RPGRIP1L: variants seen among roughly 807,000 people sequenced by gnomAD.
RPGRIP1L encodes RPGRIP1 like, also known as protein fantom.
Under a neutral mutation model 160.4 loss-of-function variants are expected in RPGRIP1L, and 131 were observed. That is an observed-to-expected ratio of 0.82 (90% CI 0.71 to 0.94). The LOEUF is 0.94. Ranked by LOEUF, RPGRIP1L falls within the 40% of genes least tolerant of loss-of-function variation. The pLI is 0.00. For missense variants in RPGRIP1L, 1,522 were observed against 1,535.8 expected (o/e 0.99, Z 0.15); for synonymous variants, 510 against 515.8 (o/e 0.99, Z 0.15).
rs954156935 is a variant in RPGRIP1L, at chr16:53,700,557, TGTATGA to T, written c.85+76_85+81del. ...ATATAGTTACTTAAATGGTTTGGTT[TGTATGA>T]GTATAAGAAATACTTTAAATTAAAA... On this transcript the variant is annotated intron_variant, in intron 2 of 26. Transcript: ENST00000647211. 49 of 1,089,246 alleles carry T rather than the reference TGTATGA, an allele frequency of 4.5e-5. 1 individual carries two copies. Among genetic ancestry groups the T allele is most frequent in the Middle Eastern group, 3.9e-4 (2 of 5,106 alleles). The allele number at this position is 1,089,246 out of a possible 1,614,324, so 67.5% of individuals were successfully genotyped here.
intron 19 of RPGRIP1L, 146 bp from the exon 20 acceptor site, chr16:53,638,557 T>G (rs1965991354): frequency 4.4e-6 from 2 of 457,386 alleles, no homozygotes; most frequent in Admixed American, 7.6e-5. Context: ...CTTAGTATAT[T>G]TCAATAAAAT....
In RPGRIP1L at chr16:53,638,524, T is replaced by A. The variant is rs1471656756; in HGVS notation, c.2959-113A>T. 4.8e-6 allele frequency: 3 copies of A among 621,594 alleles called. No individual in the cohort carries two copies. The African/African-American group carries it at 5.6e-5, about 12-fold the overall frequency. The allele number at this position is 621,594 out of a possible 1,614,324, so 38.5% of individuals were successfully genotyped here. A position where few individuals can be genotyped will look rare whatever the true frequency, so the allele number is the denominator to read the frequency against. On this transcript the variant is annotated intron_variant, in intron 19 of 26. Transcript: ENST00000647211. ...TAAAAATTGGCAGCAAATGTAACAG[T>A]TACTCATATGACACTGAATTTACTT...
In RPGRIP1L at chr16:53,665,153, A is replaced by T. The variant is rs954085216; in HGVS notation, c.1104-144T>A. 1.1e-5 allele frequency: 11 copies of T among 1,040,698 alleles called. No individual in the cohort carries two copies. The Admixed American group carries it at 1.1e-4, about 10-fold the overall frequency. 64.5% of individuals were successfully genotyped at this position (1,040,698 alleles called of 1,614,324 possible). On this transcript the variant is annotated intron_variant, in intron 9 of 26. Coordinates refer to ENST00000647211, the MANE Select transcript of RPGRIP1L (RefSeq NM_015272.5). ...AACATATGCTGGTCTGCTGCTGTTGAAACCAAGGCGCCTTTCTCAGGCTGC... is the reference window on the plus strand; with the variant it reads ...AACATATGCTGGTCTGCTGCTGTTGTAACCAAGGCGCCTTTCTCAGGCTGC...
At position 53,673,410 on chromosome 16, in the gene RPGRIP1L, C is replaced by T. The variant is rs144748903; in HGVS notation, c.883-394G>A. On this transcript the variant is annotated intron_variant, in intron 7 of 26. Transcript: ENST00000647211. ...GTCAAAAATGCTGACCACAGATATT[C>T]GAACTGAAGGGATTCGCTGCCACAT... is the stretch of plus-strand genomic sequence containing the variant. 4.3e-4 allele frequency among the ~76,000 whole-genome samples: 65 copies of T among 152,224 alleles called. No individual in the cohort carries two copies. In the East Asian group the frequency reaches 0.012, roughly 28 times the overall value.
intron 6 of RPGRIP1L, 108 bp from the exon 7 acceptor site, chr16:53,675,230 T>G: frequency 1.4e-6 from 1 of 715,352 alleles, no homozygotes; most frequent in South Asian, 1.5e-5. Context: ...TAGAAAATAT[T>G]TATATACTTG....
rs768434507 is a variant in RPGRIP1L, at chr16:53,658,405, G to A, written c.1401+9C>T. ...GACATGAAAATCACGATGAAGTTCAGAACCTTACCTTTATAAGTAGGAGAG... is the reference window on the plus strand; with the variant it reads ...GACATGAAAATCACGATGAAGTTCAAAACCTTACCTTTATAAGTAGGAGAG... On this transcript the variant is annotated intron_variant, in intron 12 of 26. Coordinates refer to ENST00000647211, the MANE Select transcript of RPGRIP1L (RefSeq NM_015272.5). 4.4e-6 allele frequency: 7 copies of A among 1,603,646 alleles called. No individual in the cohort carries two copies. Among genetic ancestry groups the A allele is most frequent in the Non-Finnish European group, 6.0e-6 (7 of 1,170,686 alleles).
At chr16:53,665,117 G>T in intron 9 of RPGRIP1L, 108 bp from the exon 10 acceptor site, 1 of 1,353,482 alleles carries the variant, frequency 7.4e-7, no homozygotes. Context: ...TCATGTCTTA[G>T]GAATTAAGTA....
At chr16:53,701,787 G>A (rs1356549454) in intron 1 of RPGRIP1L, 1 of 151,904 alleles carries the variant, frequency 6.6e-6, no homozygotes, top group African/African-American at 2.4e-5. Flanking sequence ...TGGGGTTTCA[G>A]GGTCTGTGAA....
Position 53,703,853 on chromosome 16 carries a change from G to A in RPGRIP1L, c.-58C>T. 2.0e-6 allele frequency: 1 copy of A among 498,056 alleles called. No individual in the cohort carries two copies. The highest frequency in any genetic ancestry group is 3.7e-5 in the East Asian group (1 of 27,194). The allele number at this position is 498,056 out of a possible 1,614,324, so 30.9% of individuals were successfully genotyped here. On this transcript the variant is annotated 5_prime_UTR_variant, in exon 1 of 27. Coordinates refer to ENST00000647211, the MANE Select transcript of RPGRIP1L (RefSeq NM_015272.5). ...ACCGTTGCTATAGCGCCGACAGCGTGGCGGGCGGCTGGCCGAGAGGAGCAC... is the reference window on the plus strand; with the variant it reads ...ACCGTTGCTATAGCGCCGACAGCGTAGCGGGCGGCTGGCCGAGAGGAGCAC...
chr16:53,609,829 T>C (rs1159692422), intron 25 of RPGRIP1L, among the ~76,000 whole-genome samples: 1 of 152,124 alleles, frequency 6.6e-6, no homozygotes, highest in African/African-American at 2.4e-5. Flanking sequence ...CTCAGAAAGC[T>C]AGTGAAAGAA....
chr16:53,636,569 C>A, intron 21 of RPGRIP1L, 57 bp from the exon 22 acceptor site: 1 of 1,185,776 alleles, frequency 8.4e-7, no homozygotes, highest in Non-Finnish European at 1.3e-6. Context: ...CTACTTATAC[C>A]CTGTAAAATA....
At chr16:53,695,072 C>A in intron 3 of RPGRIP1L, 1 of 437,872 alleles carries the variant, frequency 2.3e-6, no homozygotes, top group South Asian at 5.1e-5. Context: ...AACTACATGG[C>A]TCATTATTCA....
intron 26 of RPGRIP1L, among the ~76,000 whole-genome samples, chr16:53,602,620 A>G (rs1963437915): frequency 6.6e-6 from 1 of 152,098 alleles, no homozygotes; most frequent in Admixed American, 6.5e-5. Flanking sequence ...TACTAAAAAT[A>G]CAAAATTAGC....
chr16:53,643,341 A>G, intron 17 of RPGRIP1L, among the ~76,000 whole-genome samples: 1 of 150,978 alleles, frequency 6.6e-6, no homozygotes, highest in South Asian at 2.1e-4. Context: ...GGCCTTGACA[A>G]GAGCCTATTT....
At chr16:53,697,825 C>T (rs988857520) in intron 2 of RPGRIP1L, among the ~76,000 whole-genome samples, 3 of 151,968 alleles carry the variant, frequency 2.0e-5, no homozygotes, top group African/African-American at 7.3e-5. Flanking sequence ...GGCCGCCCAT[C>T]GTCTGGGATG....
At chr16:53,688,655 G>A (rs1042515861) in intron 4 of RPGRIP1L, among the ~76,000 whole-genome samples, 1 of 151,994 alleles carries the variant, frequency 6.6e-6, no homozygotes, top group East Asian at 1.9e-4. Flanking sequence ...GGTAGATAAA[G>A]CATCACAGAT....
intron 6 of RPGRIP1L, among the ~76,000 whole-genome samples, chr16:53,681,979 G>C (rs775897615): frequency 2.6e-4 from 40 of 152,010 alleles, no homozygotes; most frequent in Non-Finnish European, 5.1e-4. Flanking sequence ...ATTATACCAA[G>C]TTTTATATTC....
chr16:53,606,390 A>C (rs1963684712), intron 25 of RPGRIP1L, among the ~76,000 whole-genome samples: 1 of 152,212 alleles, frequency 6.6e-6, no homozygotes, highest in Admixed American at 6.5e-5. Flanking sequence ...AAACTTTACC[A>C]TTTTAAACTT....
chr16:53,648,622 G>GCACACA (rs1372621947), intron 16 of RPGRIP1L, among the ~76,000 whole-genome samples: 4,097 of 102,114 alleles, frequency 0.04, 73 homozygotes, highest in East Asian at 0.067. Context: ...GTGCGCGCGC[G>GCACACA]CGCGCACACA....
Sources: gnomAD v4.1 joint callset for allele counts (sites outside exome capture counted in the v4.1 genomes callset) on GRCh38, gnomAD v4.1.1 for gene constraint, MANE v1.5 for transcripts, NCBI Gene and HGNC (gene_info 2026-07-23, HGNC 2026-07-21) for gene names.